Variants in SOX5 observed in about 807,000 individuals in gnomAD.
SOX5 encodes transcription factor SOX-5.
In SOX5, 9 loss-of-function variants were observed where a neutral mutation model predicts 92.0. The observed-to-expected ratio is 0.10, with a 90% CI of 0.06 to 0.17. The LOEUF is 0.17. SOX5 is among the 10% of genes least tolerant of loss of function. SOX5 has a pLI of 1.00. For missense variants in SOX5, 642 were observed against 944.5 expected (o/e 0.68, Z 4.20); for synonymous variants, 344 against 336.3 (o/e 1.02, Z -0.25).
Position 24,505,860 on chromosome 12 carries a change from T to TGTGTGTGCGCGC in SOX5, c.-251+56468_-251+56469insGCGCGCACACAC, listed in dbSNP as rs1555327822. Among the ~76,000 whole-genome samples, 31 of 123,838 alleles carry TGTGTGTGCGCGC rather than the reference T, an allele frequency of 2.5e-4. 1 individual carries two copies. Among genetic ancestry groups the TGTGTGTGCGCGC allele is most frequent in the Middle Eastern group, 8.8e-3 (2 of 228 alleles). 81.2% of individuals were successfully genotyped at this position (123,838 alleles called of 152,430 possible). A position where few individuals can be genotyped will look rare whatever the true frequency, so the allele number is the denominator to read the frequency against. ...GTGTGTGTGTGTGTGTGTGCGTGTGTGTGTGTGTGTGTGCGCATCACTGCA... is the reference window on the plus strand; with the variant it reads ...GTGTGTGTGTGTGTGTGTGCGTGTGTGTGTGTGCGCGCGTGTGTGTGTGTGCGCATCACTGCA... On this transcript the variant is annotated intron_variant, in intron 1 of 4. Coordinates refer to the SOX5 transcript ENST00000446891.
chr12:23,759,030 GACACACACACACACAC>G (rs61575999), intron 3 of SOX5, among the ~76,000 whole-genome samples: 11 of 146,326 alleles, frequency 7.5e-5, no homozygotes, highest in Admixed American at 3.4e-4. Flanking sequence ...CACACACACA[GACACACACACACACAC>G]ACACACACAC....
intron 1 of SOX5, among the ~76,000 whole-genome samples, chr12:24,555,355 T>G (rs1393184909): frequency 1.3e-5 from 2 of 152,206 alleles, no homozygotes; most frequent in African/African-American, 4.8e-5. Flanking sequence ...CGGTTTATAC[T>G]CTGATAAAAA....
At chr12:23,830,983 A>G (rs2096307535) in intron 3 of SOX5, among the ~76,000 whole-genome samples, 1 of 152,136 alleles carries the variant, frequency 6.6e-6, no homozygotes, top group South Asian at 2.1e-4. Context: ...TGTCTTTGCT[A>G]CAGAATAATT....
At chr12:23,711,656 G>A (rs1201223848) in intron 6 of SOX5, among the ~76,000 whole-genome samples, 3 of 151,996 alleles carry the variant, frequency 2.0e-5, no homozygotes, top group Non-Finnish European at 2.9e-5. Flanking sequence ...TTTGTTATAC[G>A]TAAGCAAAAC....
chr12:24,505,915 G>A (rs879575189), intron 1 of SOX5, among the ~76,000 whole-genome samples: 7 of 146,932 alleles, frequency 4.8e-5, no homozygotes, highest in Non-Finnish European at 7.4e-5. Flanking sequence ...CCCCAACCAC[G>A]GCTTCTGAGA....
At chr12:24,141,607 A>T (rs1023888083) in intron 4 of SOX5, among the ~76,000 whole-genome samples, 1 of 152,234 alleles carries the variant, frequency 6.6e-6, no homozygotes, top group Non-Finnish European at 1.5e-5. Flanking sequence ...TTCAAGACGG[A>T]CACTCACTGT....
Position 23,979,934 on chromosome 12 carries a change from C to T in SOX5, c.-1-83910G>A, listed in dbSNP as rs34506472. On this transcript the variant is annotated intron_variant, in intron 4 of 4. Coordinates refer to the SOX5 transcript ENST00000446891. The stretch of plus-strand genomic sequence containing the variant: ...CTGGCCAGACAGACAGACAGACAGA[C>T]AGATAGATAGATAGATAGACAGACA... Among the ~76,000 whole-genome samples, 113 of 116,962 alleles carry T rather than the reference C, an allele frequency of 9.7e-4. 2 individuals carry two copies. Among genetic ancestry groups the T allele is most frequent in the Non-Finnish European group, 1.6e-3 (88 of 54,244 alleles). The allele number at this position is 116,962 out of a possible 152,430, so 76.7% of individuals were successfully genotyped here.
intron 10 of SOX5, among the ~76,000 whole-genome samples, chr12:23,564,663 A>G (rs538235612): frequency 1.3e-5 from 2 of 152,322 alleles, no homozygotes; most frequent in African/African-American, 2.4e-5. Context: ...ATTAAATCCC[A>G]TGATTTGTTG....
intron 4 of SOX5, among the ~76,000 whole-genome samples, chr12:23,956,469 G>A (rs574425916): frequency 3.3e-5 from 5 of 152,164 alleles, no homozygotes; most frequent in African/African-American, 1.2e-4. Flanking sequence ...GCATGTGAGG[G>A]ATCTAGGTTT....
chr12:24,284,581 C>A (rs1437952933), intron 2 of SOX5, among the ~76,000 whole-genome samples: 1 of 152,186 alleles, frequency 6.6e-6, no homozygotes, highest in African/African-American at 2.4e-5. Context: ...GAACCTTCTG[C>A]TATTTGAGTT....
At chr12:24,149,394 G>C (rs12833712) in intron 4 of SOX5, among the ~76,000 whole-genome samples, 5,257 of 152,182 alleles carry the variant, frequency 0.035, 104 homozygotes, top group South Asian at 0.07. Flanking sequence ...ATGGGCATGA[G>C]ATTTGTACAG....
At chr12:24,079,206 C>A (rs188944228) in intron 4 of SOX5, among the ~76,000 whole-genome samples, 5,869 of 147,602 alleles carry the variant, frequency 0.04, 142 homozygotes, top group Admixed American at 0.059. Context: ...AAAAAAAAAA[C>A]CAGCTTCAGA....
chr12:23,636,568 G>T (rs971502951), intron 8 of SOX5, among the ~76,000 whole-genome samples: 1 of 152,106 alleles, frequency 6.6e-6, no homozygotes, highest in African/African-American at 2.4e-5. Context: ...CCATAAGTAG[G>T]AATAGATTTA....
rs151219755 is a variant in SOX5, at chr12:24,150,616, G to A, written c.-2+62727C>T. On this transcript the variant is annotated intron_variant, in intron 4 of 4. Transcript: ENST00000446891. ...AAGATAATCATCATTTAAGGCAAGC[G>A]CAAAGGAAGAAGATGATATAAAGGA... is the stretch of plus-strand genomic sequence containing the variant. Among the ~76,000 whole-genome samples the A allele has an allele frequency of 1.8e-3, 281 of 152,186 alleles. 2 individuals carry two copies. The highest frequency in any genetic ancestry group is 6.3e-3 in the African/African-American group (262 of 41,552).
At chr12:24,075,277 TAAAAAAAAA>T (rs59967372) in intron 4 of SOX5, among the ~76,000 whole-genome samples, 1 of 75,790 alleles carries the variant, frequency 1.3e-5, no homozygotes, top group South Asian at 6.0e-4. Context: ...CTCAAATTAT[TAAAAAAAAA>T]AAAAAAAAAA....
chr12:24,155,102 C>A (rs1952033123), intron 4 of SOX5, among the ~76,000 whole-genome samples: 1 of 152,076 alleles, frequency 6.6e-6, no homozygotes, highest in Admixed American at 6.6e-5. Context: ...CTAAGCACAG[C>A]TCAGACAAGT....
At chr12:24,110,806 C>T (rs1408215749) in intron 4 of SOX5, among the ~76,000 whole-genome samples, 1 of 139,590 alleles carries the variant, frequency 7.2e-6, no homozygotes, top group East Asian at 2.3e-4. Context: ...GAGGCTGAGG[C>T]GGAAGGATGG....
At chr12:24,122,183 G>A (rs993224243) in intron 4 of SOX5, among the ~76,000 whole-genome samples, 59 of 152,184 alleles carry the variant, frequency 3.9e-4, no homozygotes, top group African/African-American at 1.4e-3. Flanking sequence ...ATGTTAAACA[G>A]ATGATGTTAC....
In SOX5 at chr12:24,181,574, A is replaced by G. The variant is rs140422336; in HGVS notation, c.-2+31769T>C. ...CTTGGGTCTCAATTTCCTCCTATGT[A>G]TATGAGGATCATAATATACCCTGCT... On this transcript the variant is annotated intron_variant, in intron 4 of 4. Coordinates refer to the SOX5 transcript ENST00000446891. 3.6e-3 allele frequency among the ~76,000 whole-genome samples: 551 copies of G among 152,290 alleles called. 8 individuals carry two copies. The highest frequency in any genetic ancestry group is 0.033 in the Admixed American group (507 of 15,284).
Sources: allele counts gnomAD v4.1 joint callset (sites outside exome capture counted in the v4.1 genomes callset), GRCh38; gene constraint gnomAD v4.1.1; transcripts MANE v1.5; gene names NCBI Gene and HGNC (gene_info 2026-07-23, HGNC 2026-07-21).